The following GIN1 variants were observed in gnomAD, a reference collection of about 807,000 sequenced individuals.
GIN1 encodes the protein gypsy retrotransposon integrase 1.
GIN1 carries 41 observed loss-of-function variants against 51.4 expected under a neutral mutation model. The ratio of observed to expected loss-of-function variants is 0.80; its 90% confidence interval spans 0.62 to 1.04. The LOEUF (loss-of-function observed/expected upper bound fraction) is 1.04. Ranked by LOEUF, GIN1 falls within the 50% of genes least tolerant of loss-of-function variation. The probability of loss-of-function intolerance (pLI) is 0.00; values close to 1 mark genes in which losing one functional copy is unlikely to be tolerated. For missense variants in GIN1, 610 were observed against 612.4 expected (o/e 1.00, Z 0.04); for synonymous variants, 222 against 206.5 (o/e 1.07, Z -0.64).
At chr5:103,106,650 A>T (rs1787731784) in intron 3 of GIN1, 66 bp downstream of exon 3, 3 of 954,934 alleles carry the variant, frequency 3.1e-6, no homozygotes, top group Non-Finnish European at 4.7e-6. Context: ...AATCTGGAGA[A>T]ATAATAAATT....
chr5:103,100,567 T>A (rs1358499839), intron 4 of GIN1, among the ~76,000 whole-genome samples: 13 of 149,184 alleles, frequency 8.7e-5, no homozygotes, highest in African/African-American at 2.7e-4. Context: ...AATTAAAAAT[T>A]TTTTTTTTTT....
In GIN1 at chr5:103,094,387, A is replaced by G. The variant is rs77178615; in HGVS notation, c.1294+2154T>C. Among the ~76,000 whole-genome samples, 30 of 152,292 alleles carry G rather than the reference A, an allele frequency of 2.0e-4. No homozygotes were observed. In the East Asian group the frequency reaches 5.6e-3, roughly 28 times the overall value. On this transcript the variant is annotated intron_variant, in intron 7 of 7. Transcript: ENST00000399004. ...AAAACAGACTCATCTAATTAGTCTT[A>G]AATTCCTTATGCATACACCAGTAGT...
At chr5:103,102,153 T>C (rs1176525063) in intron 4 of GIN1, 1 of 152,232 alleles carries the variant, frequency 6.6e-6, no homozygotes, top group Non-Finnish European at 1.5e-5. Context: ...CTGTTTCTAC[T>C]TTAAAAATTA....
intron 4 of GIN1, among the ~76,000 whole-genome samples, chr5:103,103,438 T>G (rs952500086): frequency 6.6e-6 from 1 of 152,216 alleles, no homozygotes; most frequent in Non-Finnish European, 1.5e-5. Context: ...TGGGGTGCCA[T>G]GGCACATGTC....
At chr5:103,117,186 C>T (rs745451532) in intron 1 of GIN1, among the ~76,000 whole-genome samples, 1 of 151,936 alleles carries the variant, frequency 6.6e-6, no homozygotes, top group Non-Finnish European at 1.5e-5. Flanking sequence ...GATCCACATA[C>T]TGGAATACTA....
intron 7 of GIN1, among the ~76,000 whole-genome samples, chr5:103,089,933 G>C (rs1787190365): frequency 6.6e-6 from 1 of 152,036 alleles, no homozygotes; most frequent in Non-Finnish European, 1.5e-5. Flanking sequence ...GCATAAGTGG[G>C]CTTGGGCTTG....
Position 103,087,820 on chromosome 5 carries a change from A to G in GIN1, c.*78T>C. On this transcript the variant is annotated 3_prime_UTR_variant, in exon 8 of 8. Transcript: ENST00000399004. ...AAGAATGTGTCAAGATACTTCTTCT[A>G]TACAACGTTTTTAATGAATAAGATA... is the stretch of plus-strand genomic sequence containing the variant. 1.6e-6 allele frequency: 1 copy of G among 620,658 alleles called. No homozygotes were observed. Among genetic ancestry groups the G allele is most frequent in the South Asian group, 2.2e-5 (1 of 44,494 alleles). The allele number at this position is 620,658 out of a possible 1,614,324, so 38.4% of individuals were successfully genotyped here.
intron 1 of GIN1, among the ~76,000 whole-genome samples, chr5:103,114,512 G>A (rs1187862958): frequency 3.3e-5 from 5 of 152,152 alleles, no homozygotes; most frequent in Non-Finnish European, 7.3e-5. Flanking sequence ...GGATGAACTC[G>A]GCATGTAAAA....
intron 1 of GIN1, among the ~76,000 whole-genome samples, chr5:103,110,650 G>A (rs1787855715): frequency 6.6e-6 from 1 of 152,094 alleles, no homozygotes; most frequent in Admixed American, 6.6e-5. Flanking sequence ...AGGATAAAAT[G>A]TTGCAACCAC....
intron 4 of GIN1, among the ~76,000 whole-genome samples, chr5:103,101,475 A>G (rs1787573858): frequency 6.6e-6 from 1 of 152,244 alleles, no homozygotes; most frequent in Non-Finnish European, 1.5e-5. Flanking sequence ...AATGGGGACT[A>G]TTGTAGTTAA....
At chr5:103,101,113 G>T (rs1190369708) in intron 4 of GIN1, among the ~76,000 whole-genome samples, 2 of 152,114 alleles carry the variant, frequency 1.3e-5, no homozygotes, top group African/African-American at 4.8e-5. Context: ...AAAATAGGAC[G>T]ATTAACAATA....
At chr5:103,103,985 G>T (rs139140925) in intron 4 of GIN1, among the ~76,000 whole-genome samples, 1 of 151,804 alleles carries the variant, frequency 6.6e-6, no homozygotes, top group South Asian at 2.1e-4. Flanking sequence ...ATGGAGTCTC[G>T]CTCTGTCGCT....
At chr5:103,092,949 A>G (rs1192221702) in intron 7 of GIN1, among the ~76,000 whole-genome samples, 20 of 76,714 alleles carry the variant, frequency 2.6e-4, no homozygotes, top group African/African-American at 8.8e-4. Flanking sequence ...CTGTCTCAAA[A>G]AAAAAAAAAA....
At chr5:103,111,573 A>G (rs971822819) in intron 1 of GIN1, among the ~76,000 whole-genome samples, 2 of 152,168 alleles carry the variant, frequency 1.3e-5, no homozygotes, top group Non-Finnish European at 2.9e-5. Context: ...GACCTTAAAA[A>G]GAAAAGGGGA....
chr5:103,116,437 C>T (rs1367398522), intron 1 of GIN1, among the ~76,000 whole-genome samples: 1 of 151,788 alleles, frequency 6.6e-6, no homozygotes, highest in Admixed American at 6.6e-5. Context: ...AAAAGATGAA[C>T]CTCAACTCAT....
intron 1 of GIN1, among the ~76,000 whole-genome samples, chr5:103,110,545 A>G (rs1554196826): frequency 6.6e-6 from 1 of 152,184 alleles, no homozygotes; most frequent in Non-Finnish European, 1.5e-5. Flanking sequence ...ATGACTTAGA[A>G]TTACACACTA....
intron 4 of GIN1, among the ~76,000 whole-genome samples, chr5:103,100,988 T>G (rs1554195733): frequency 1.3e-5 from 2 of 152,218 alleles, no homozygotes; most frequent in African/African-American, 4.8e-5. Flanking sequence ...AGTGAATGTT[T>G]GATACTGCAG....
chr5:103,116,823 C>G (rs1297074187), intron 1 of GIN1, among the ~76,000 whole-genome samples: 4 of 151,938 alleles, frequency 2.6e-5, no homozygotes, highest in African/African-American at 9.7e-5. Context: ...AAAAAATGCT[C>G]AACATCAATA....
chr5:103,092,175 C>G (rs1787259155), intron 7 of GIN1, among the ~76,000 whole-genome samples: 1 of 152,020 alleles, frequency 6.6e-6, no homozygotes, highest in Non-Finnish European at 1.5e-5. Context: ...TATCACCATG[C>G]CCGGCTAATT....
Sources: allele counts gnomAD v4.1 joint callset (sites outside exome capture counted in the v4.1 genomes callset), GRCh38; gene constraint gnomAD v4.1.1; transcripts MANE v1.5; gene names NCBI Gene and HGNC (gene_info 2026-07-23, HGNC 2026-07-21).